PCDH15: variants seen among roughly 807,000 people sequenced by gnomAD.
The protein encoded by PCDH15 is protocadherin-15.
PCDH15 carries 129 observed loss-of-function variants against 178.5 expected under a neutral mutation model. That is an observed-to-expected ratio of 0.72 (90% CI 0.63 to 0.84). The LOEUF is 0.84. Among genes scored for constraint, PCDH15 ranks in the 40% least tolerant of loss-of-function variants. The pLI is 0.00. For missense variants in PCDH15, 2,230 were observed against 2,099.9 expected, an observed-to-expected ratio of 1.06 and a Z score of -1.21; for synonymous variants, 800 against 732.0, an observed-to-expected ratio of 1.09 and a Z score of -1.50.
intron 2 of PCDH15, among the ~76,000 whole-genome samples, chr10:54,976,938 G>A (rs1408539528): frequency 6.6e-6 from 1 of 152,128 alleles, no homozygotes; most frequent in Non-Finnish European, 1.5e-5. Flanking sequence ...AAGAAAGCCA[G>A]CCTGTGAGGC....
intron 2 of PCDH15, among the ~76,000 whole-genome samples, chr10:54,612,136 A>T (rs2092982288): frequency 6.6e-6 from 1 of 151,840 alleles, no homozygotes; most frequent in African/African-American, 2.4e-5. Context: ...AACAGAGTTG[A>T]ATAATTGTAT....
intron 2 of PCDH15, among the ~76,000 whole-genome samples, chr10:55,351,044 C>CCCCCT (rs1844918465): frequency 9.1e-6 from 1 of 110,274 alleles, no homozygotes; most frequent in African/African-American, 3.4e-5. Context: ...TCTCCCTCCT[C>CCCCCT]CCCCTCCCCT....
At chr10:55,037,416 G>GTTTC (rs1840764961) in intron 2 of PCDH15, among the ~76,000 whole-genome samples, 2 of 151,856 alleles carry the variant, frequency 1.3e-5, no homozygotes, top group African/African-American at 4.8e-5. Context: ...GTAGTTTTAG[G>GTTTC]AGAGACAGGG....
At chr10:55,533,162 CG>C (rs1371665860) in intron 2 of PCDH15, among the ~76,000 whole-genome samples, 5 of 151,990 alleles carry the variant, frequency 3.3e-5, no homozygotes, top group Non-Finnish European at 4.4e-5. Context: ...GCCTTGAAAA[CG>C]GCACAAGGTA....
At chr10:54,911,255 C>T (rs1954808804) in intron 2 of PCDH15, among the ~76,000 whole-genome samples, 2 of 152,128 alleles carry the variant, frequency 1.3e-5, no homozygotes. Flanking sequence ...ACTAGGATTA[C>T]TTTGCAGGGG....
chr10:54,748,537 G>A lies in PCDH15; in HGVS notation c.-29+52388C>T, dbSNP rs151138228. ...CCCCATGTGTCCCCACGGTATATTC[G>A]ATCTTTATTTTGAAGGCAAACACTA... is the stretch of plus-strand genomic sequence containing the variant. On this transcript the variant is annotated intron_variant, in intron 1 of 37. Transcript: ENST00000644397. 1.4e-3 allele frequency among the ~76,000 whole-genome samples: 212 copies of A among 152,192 alleles called. 7 individuals are homozygous for A. In the East Asian group the frequency reaches 0.034, roughly 25 times the overall value.
At chr10:55,364,909 A>T (rs572299233) in intron 2 of PCDH15, among the ~76,000 whole-genome samples, 1 of 152,030 alleles carries the variant, frequency 6.6e-6, no homozygotes, top group East Asian at 1.9e-4. Context: ...AAAATATACA[A>T]TTTTTTGTCA....
At chr10:54,074,049 A>C (rs1207197826) in intron 17 of PCDH15, among the ~76,000 whole-genome samples, 1 of 152,218 alleles carries the variant, frequency 6.6e-6, no homozygotes, top group Non-Finnish European at 1.5e-5. Context: ...TGTCTGGTAT[A>C]GAGAATTGAC....
chr10:54,398,066 TC>T lies in PCDH15; in HGVS notation c.158-19125del, dbSNP rs575291028. On this transcript the variant is annotated intron_variant, in intron 3 of 37. Coordinates refer to ENST00000644397, the MANE Select transcript of PCDH15 (RefSeq NM_001384140.1). ...TACTCAAAATACCTTTTAAGTCTTA[TC>T]CCATGCAGAGATCAGATGGTAAGGT... is the stretch of plus-strand genomic sequence containing the variant. 4.5e-3 allele frequency among the ~76,000 whole-genome samples: 681 copies of T among 152,094 alleles called. 5 individuals carry two copies. The highest frequency in any genetic ancestry group is 0.017 in the Middle Eastern group (5 of 294).
intron 1 of PCDH15, among the ~76,000 whole-genome samples, chr10:54,730,858 T>A (rs1943235693): frequency 6.6e-6 from 1 of 151,454 alleles, no homozygotes; most frequent in Non-Finnish European, 1.5e-5. Context: ...GAGTTTTCTT[T>A]GTGTGTGTAA....
At chr10:54,512,770 A>T (rs2137814758) in intron 3 of PCDH15, among the ~76,000 whole-genome samples, 1 of 152,196 alleles carries the variant, frequency 6.6e-6, no homozygotes, top group African/African-American at 2.4e-5. Context: ...ACTTTCCATT[A>T]TTTTCTTTAA....
intron 8 of PCDH15, among the ~76,000 whole-genome samples, chr10:54,287,434 C>CT (rs572282716): frequency 2.6e-5 from 4 of 152,040 alleles, no homozygotes; most frequent in Admixed American, 2.0e-4. Context: ...TTTAAAATGC[C>CT]TTTTTTTCTG....
chr10:53,917,358 C>T lies in PCDH15; in HGVS notation c.3374-13988G>A, dbSNP rs372804462. 1.4e-4 allele frequency among the ~76,000 whole-genome samples: 22 copies of T among 152,112 alleles called. No homozygotes were observed. In the East Asian group the frequency reaches 3.5e-3, roughly 24 times the overall value. The stretch of plus-strand genomic sequence containing the variant: ...ATGTCTGAATAGACCATTAAATGAC[C>T]TCTGAATTCTTTGACATATAATTAA... On this transcript the variant is annotated intron_variant, in intron 25 of 37. Coordinates refer to ENST00000644397, the MANE Select transcript of PCDH15 (RefSeq NM_001384140.1).
At chr10:55,403,029 T>C (rs1485253762) in intron 2 of PCDH15, among the ~76,000 whole-genome samples, 1 of 152,056 alleles carries the variant, frequency 6.6e-6, no homozygotes, top group Non-Finnish European at 1.5e-5. Context: ...GGGTAGGAGA[T>C]GATATCTCAT....
intron 2 of PCDH15, among the ~76,000 whole-genome samples, chr10:54,980,957 A>G (rs1487073679): frequency 6.6e-6 from 1 of 152,114 alleles, no homozygotes; most frequent in African/African-American, 2.4e-5. Context: ...AAACATGTAT[A>G]AAATGAAACG....
intron 28 of PCDH15, among the ~76,000 whole-genome samples, chr10:53,856,323 A>G (rs2078745216): frequency 6.6e-6 from 1 of 152,098 alleles, no homozygotes; most frequent in African/African-American, 2.4e-5. Flanking sequence ...CATCTTTTAC[A>G]GTATCAAAAT....
chr10:54,085,165 ATTAT>A (rs1311470342), intron 16 of PCDH15, among the ~76,000 whole-genome samples: 4 of 152,052 alleles, frequency 2.6e-5, no homozygotes, highest in African/African-American at 7.2e-5. Context: ...TTTCTTATAT[ATTAT>A]TTAATTTTCA....
At chr10:54,380,392 A>G (rs1949030974) in intron 3 of PCDH15, among the ~76,000 whole-genome samples, 1 of 151,692 alleles carries the variant, frequency 6.6e-6, no homozygotes, top group African/African-American at 2.4e-5. Context: ...TTTATTGCCT[A>G]TAAATATGTT....
In PCDH15 at chr10:55,114,781, C is replaced by T. The variant is rs1837590296; in HGVS notation, c.-80+51795G>A. Reference sequence around the variant, plus strand: ...AACTTCATAGAACAGATTTTCCCACCATGCTCTGTACTATCCATCTCCAAG... The same window carrying T: ...AACTTCATAGAACAGATTTTCCCACTATGCTCTGTACTATCCATCTCCAAG... On this transcript the variant is annotated intron_variant, in intron 2 of 5. Transcript: ENST00000458638. Among the ~76,000 whole-genome samples the T allele has an allele frequency of 2.0e-5, 3 of 152,130 alleles. No individual in the cohort carries two copies. In the South Asian group the frequency reaches 6.2e-4, roughly 32 times the overall value.
Sources: allele counts gnomAD v4.1 joint callset (sites outside exome capture counted in the v4.1 genomes callset), GRCh38; gene constraint gnomAD v4.1.1; transcripts MANE v1.5; gene names NCBI Gene and HGNC (gene_info 2026-07-23, HGNC 2026-07-21).